Variants in STXBP3 observed in about 807,000 individuals in gnomAD.
STXBP3 encodes syntaxin binding protein 3.
STXBP3 carries 41 observed loss-of-function variants against 85.7 expected under a neutral mutation model. The ratio of observed to expected loss-of-function variants is 0.48; its 90% CI spans 0.37 to 0.62. The LOEUF is 0.62. Ranked by LOEUF, STXBP3 falls within the 20% of genes least tolerant of loss-of-function variation. STXBP3 has a pLI of 0.00. For missense variants in STXBP3, 563 were observed against 703.1 expected (o/e 0.80, Z 2.25); for synonymous variants, 229 against 231.7 (o/e 0.99, Z 0.10).
chr1:108,757,854 A>G (rs1662053401), intron 4 of STXBP3, among the ~76,000 whole-genome samples: 1 of 152,072 alleles, frequency 6.6e-6, no homozygotes, highest in African/African-American at 2.4e-5. Context: ...AGACCATATG[A>G]TGATATCTGA....
rs776145992 is a variant in STXBP3, at chr1:108,808,928, TAGAA to T, written c.*57_*60del. ...TTCTTACTAATATGTTGAACTAAAA[TAGAA>T]AGAAAATGTTGCTGTCATGTAATTT... is the stretch of plus-strand genomic sequence containing the variant. On this transcript the variant is annotated 3_prime_UTR_variant, in exon 19 of 19. Transcript: ENST00000370008. 57 of 1,260,260 alleles carry T rather than the reference TAGAA, an allele frequency of 4.5e-5. No individual in the cohort carries two copies. The highest frequency in any genetic ancestry group is 1.4e-4 in the Admixed American group (6 of 44,246). The allele number at this position is 1,260,260 out of a possible 1,614,324, so 78.1% of individuals were successfully genotyped here. A position where few individuals can be genotyped will look rare whatever the true frequency, so the allele number is the denominator to read the frequency against.
intron 7 of STXBP3, among the ~76,000 whole-genome samples, chr1:108,775,832 A>G (rs1293482512): frequency 6.6e-6 from 1 of 152,142 alleles, no homozygotes; most frequent in Non-Finnish European, 1.5e-5. Flanking sequence ...CGATACATAG[A>G]ATCCAATATA....
chr1:108,760,882 A>C (rs571767235), intron 6 of STXBP3, among the ~76,000 whole-genome samples: 1 of 152,072 alleles, frequency 6.6e-6, no homozygotes, highest in Admixed American at 6.6e-5. Context: ...TACTTTTAAG[A>C]TACTGCTGGG....
intron 7 of STXBP3, among the ~76,000 whole-genome samples, chr1:108,773,143 A>G (rs893921805): frequency 2.0e-5 from 3 of 152,170 alleles, no homozygotes; most frequent in Non-Finnish European, 4.4e-5. Flanking sequence ...TCACCAACAA[A>G]TTTAAATGAC....
At chr1:108,795,740 G>C (rs959407440) in intron 13 of STXBP3, among the ~76,000 whole-genome samples, 23 of 152,010 alleles carry the variant, frequency 1.5e-4, no homozygotes, top group Admixed American at 1.5e-3. Flanking sequence ...TATCTTCTCT[G>C]ATTTATTTTT....
intron 6 of STXBP3, among the ~76,000 whole-genome samples, chr1:108,768,478 G>C (rs1404592662): frequency 6.6e-6 from 1 of 152,016 alleles, no homozygotes; most frequent in Non-Finnish European, 1.5e-5. Context: ...GTAATGAAGA[G>C]GGAAAGAACC....
chr1:108,765,265 A>G (rs560500984), intron 6 of STXBP3, among the ~76,000 whole-genome samples: 2 of 152,296 alleles, frequency 1.3e-5, no homozygotes, highest in South Asian at 4.1e-4. Flanking sequence ...TCATGTTGCA[A>G]AACCTTCTTT....
chr1:108,764,248 G>A (rs192492105), intron 6 of STXBP3, among the ~76,000 whole-genome samples: 3 of 152,042 alleles, frequency 2.0e-5, no homozygotes, highest in Non-Finnish European at 2.9e-5. Flanking sequence ...GTATTCTATG[G>A]TACATATATA....
chr1:108,780,289 C>A (rs1013089250), intron 9 of STXBP3: 2 of 151,580 alleles, frequency 1.3e-5, no homozygotes, highest in African/African-American at 4.8e-5. Flanking sequence ...GAGTTTTTCT[C>A]TGTATTATCT....
chr1:108,753,404 C>CAT (rs3051072), intron 3 of STXBP3, among the ~76,000 whole-genome samples: 57,102 of 150,064 alleles, frequency 0.38, 11,160 homozygotes, highest in Middle Eastern at 0.47. Flanking sequence ...CTCATATATA[C>CAT]ATATATATAT....
intron 6 of STXBP3, among the ~76,000 whole-genome samples, chr1:108,764,588 T>C (rs1342966787): frequency 6.6e-6 from 1 of 152,198 alleles, no homozygotes; most frequent in African/African-American, 2.4e-5. Context: ...AAAATAGCCA[T>C]TCTGACTGGT....
At chr1:108,760,702 A>C (rs939632974) in intron 6 of STXBP3, among the ~76,000 whole-genome samples, 7 of 152,176 alleles carry the variant, frequency 4.6e-5, no homozygotes, top group Admixed American at 4.6e-4. Flanking sequence ...AAAGAGGTTA[A>C]GTACCTTGCC....
At chr1:108,779,503 G>A in intron 9 of STXBP3, 93 bp downstream of exon 9, 1 of 1,322,704 alleles carries the variant, frequency 7.6e-7, no homozygotes, top group South Asian at 1.9e-5. Context: ...AAATCTGAAA[G>A]CCCCTATAAC....
intron 1 of STXBP3, among the ~76,000 whole-genome samples, chr1:108,751,293 T>C (rs920353065): frequency 2.0e-5 from 3 of 152,178 alleles, no homozygotes; most frequent in African/African-American, 4.8e-5. Flanking sequence ...CCAAGGTCTT[T>C]AGGGGCTCTG....
chr1:108,801,137 T>A (rs1017842252), intron 17 of STXBP3, among the ~76,000 whole-genome samples: 4 of 152,176 alleles, frequency 2.6e-5, no homozygotes, highest in African/African-American at 9.6e-5. Flanking sequence ...TTGATTTTTT[T>A]AAATTTCCAT....
chr1:108,760,657 A>T (rs1662120614), intron 6 of STXBP3, among the ~76,000 whole-genome samples: 1 of 152,166 alleles, frequency 6.6e-6, no homozygotes, highest in Admixed American at 6.5e-5. Flanking sequence ...CCATAGTAAT[A>T]GATTGTACTT....
intron 6 of STXBP3, among the ~76,000 whole-genome samples, chr1:108,771,632 T>C (rs1490158516): frequency 1.8e-5 from 1 of 56,948 alleles, no homozygotes; most frequent in Non-Finnish European, 3.1e-5. Flanking sequence ...ATATATCATA[T>C]ATAAATATAT....
At chr1:108,808,755 T>C in intron 18 of STXBP3, 28 bp from the exon 19 acceptor site, 2 of 1,543,942 alleles carry the variant, frequency 1.3e-6, no homozygotes, top group Non-Finnish European at 1.8e-6. Flanking sequence ...ACTGCTGGCC[T>C]CTGAAAAATT....
At chr1:108,797,983 G>A (rs1467207053) in intron 15 of STXBP3, among the ~76,000 whole-genome samples, 162 bp from the exon 16 acceptor site, 3 of 152,100 alleles carry the variant, frequency 2.0e-5, no homozygotes, top group Admixed American at 1.3e-4. Context: ...GGAGTTATGC[G>A]ACCACACTCA....
Sources: allele counts gnomAD v4.1 joint callset (sites outside exome capture counted in the v4.1 genomes callset), GRCh38; gene constraint gnomAD v4.1.1; transcripts MANE v1.5; gene names NCBI Gene and HGNC (gene_info 2026-07-23, HGNC 2026-07-21).